Variants in TDRP observed in about 807,000 individuals in gnomAD.
TDRP encodes the protein testis development related protein.
TDRP carries 12 observed loss-of-function variants against 10.5 expected under a neutral mutation model. That is an observed-to-expected ratio of 1.15 (90% CI 0.73 to 1.86). TDRP has a LOEUF of 1.86. TDRP is among the 40% of genes most tolerant of loss of function. The probability of loss-of-function intolerance (pLI) is 0.00; values close to 1 mark genes in which losing one functional copy is unlikely to be tolerated. For synonymous variants in TDRP, 139 were observed against 95.4 expected (o/e 1.46, Z -2.67); for missense variants, 353 against 229.2 (o/e 1.54, Z -3.49).
intron 1 of TDRP, among the ~76,000 whole-genome samples, chr8:534,423 T>C (rs1023202311): frequency 6.6e-6 from 1 of 152,222 alleles, no homozygotes; most frequent in Admixed American, 6.5e-5. Context: ...AGATGCCTGC[T>C]TTAATACCTG....
chr8:505,577 T>C (rs1440832210), intron 1 of TDRP, among the ~76,000 whole-genome samples: 5 of 152,150 alleles, frequency 3.3e-5, no homozygotes, highest in Non-Finnish European at 7.3e-5. Context: ...AATGTCAGCC[T>C]CCATCAACTT....
intron 1 of TDRP, among the ~76,000 whole-genome samples, chr8:525,546 AG>A (rs1802013051): frequency 1.3e-5 from 2 of 152,000 alleles, no homozygotes; most frequent in African/African-American, 4.8e-5. Flanking sequence ...AAGAGAAATC[AG>A]GGGGATGAAG....
intron 1 of TDRP, among the ~76,000 whole-genome samples, chr8:527,290 T>G (rs116651149): frequency 0.021 from 3,201 of 152,186 alleles, 103 homozygotes; most frequent in African/African-American, 0.074. Flanking sequence ...GAAAAGATAT[T>G]TCATGTTCAT....
chr8:494,564 C>G lies in TDRP; in HGVS notation c.142G>C (p.Val48Leu). The G allele has an allele frequency of 1.2e-6, 2 of 1,613,950 alleles. No homozygotes were observed. The highest frequency in any genetic ancestry group is 1.7e-6 in the Non-Finnish European group (2 of 1,179,864). ...QGASFRGWKE[V>L]TSLFNKDDEQ... ...TCATCTTTGTTAAACAGTGAAGTCA[C>G]TTCTTTCCAACCTCGGAAACTTGCT... The change falls in exon 2 of 3, where the codon GTG (valine) becomes CTG (leucine). Residue 48 changes from valine to leucine, a missense_variant. Transcript: ENST00000324079.
At chr8:509,641 C>G (rs1462484420) in intron 1 of TDRP, among the ~76,000 whole-genome samples, 2 of 152,124 alleles carry the variant, frequency 1.3e-5, no homozygotes, top group Non-Finnish European at 2.9e-5. Flanking sequence ...CTCCGGGCCT[C>G]CAGGCCTGTG....
In TDRP at chr8:544,799, T is replaced by G; in HGVS notation, c.-42A>C. On this transcript the variant is annotated 5_prime_UTR_variant, in exon 1 of 3. Coordinates refer to ENST00000324079, the MANE Select transcript of TDRP (RefSeq NM_001384899.1). Reference sequence around the variant, plus strand: ...GCGTCCCTCCGTCCGTGCGTCGGGCTGTGGCTCCGCGTCCCTCCCGGCCGC... The same window carrying G: ...GCGTCCCTCCGTCCGTGCGTCGGGCGGTGGCTCCGCGTCCCTCCCGGCCGC... The G allele has an allele frequency of 8.3e-7, 1 of 1,208,436 alleles. No individual in the cohort carries two copies. The allele number at this position is 1,208,436 out of a possible 1,614,324, so 74.9% of individuals were successfully genotyped here.
chr8:509,727 G>T (rs1338549082), intron 1 of TDRP, among the ~76,000 whole-genome samples: 1 of 152,130 alleles, frequency 6.6e-6, no homozygotes, highest in African/African-American at 2.4e-5. Flanking sequence ...TTAACATTTG[G>T]CTCCTTGCTA....
chr8:502,892 C>G (rs532733307), intron 1 of TDRP, among the ~76,000 whole-genome samples: 5 of 152,018 alleles, frequency 3.3e-5, no homozygotes, highest in African/African-American at 1.2e-4. Context: ...GAATCCAGAG[C>G]CACACATCAG....
intron 1 of TDRP, among the ~76,000 whole-genome samples, chr8:499,235 G>A (rs889158115): frequency 6.6e-6 from 1 of 152,150 alleles, no homozygotes; most frequent in Non-Finnish European, 1.5e-5. Context: ...TTTTTGTTTT[G>A]TTTTGTTTTG....
intron 1 of TDRP, among the ~76,000 whole-genome samples, chr8:506,028 G>A (rs1359987564): frequency 6.6e-6 from 1 of 152,082 alleles, no homozygotes; most frequent in East Asian, 1.9e-4. Flanking sequence ...TGGGGGTCTG[G>A]GTGTCCTCTT....
intron 1 of TDRP, among the ~76,000 whole-genome samples, chr8:516,832 C>A (rs1050183794): frequency 1.3e-5 from 2 of 152,128 alleles, no homozygotes; most frequent in African/African-American, 4.8e-5. Context: ...CAGCTTTATT[C>A]GGAAATGCTA....
At chr8:497,301 T>C (rs905579714) in intron 1 of TDRP, among the ~76,000 whole-genome samples, 2 of 152,302 alleles carry the variant, frequency 1.3e-5, no homozygotes, top group East Asian at 1.9e-4. Flanking sequence ...CAAATGGAGA[T>C]GAGGAACTTA....
At chr8:517,420 A>G (rs911930876) in intron 1 of TDRP, among the ~76,000 whole-genome samples, 1 of 152,150 alleles carries the variant, frequency 6.6e-6, no homozygotes, top group Non-Finnish European at 1.5e-5. Context: ...CTGCTAAGAG[A>G]CATTTACCAT....
At chr8:532,421 C>T (rs923379294) in intron 1 of TDRP, among the ~76,000 whole-genome samples, 3 of 152,202 alleles carry the variant, frequency 2.0e-5, no homozygotes, top group African/African-American at 7.2e-5. Context: ...TTCTTGCTGA[C>T]TACAGAAATG....
At chr8:534,842 G>A (rs527448828) in intron 1 of TDRP, among the ~76,000 whole-genome samples, 1 of 152,108 alleles carries the variant, frequency 6.6e-6, no homozygotes, top group South Asian at 2.1e-4. Context: ...CTACTTTTTG[G>A]GCTATTGTGA....
intron 1 of TDRP, chr8:494,864 CA>C: frequency 3.5e-6 from 1 of 289,340 alleles, no homozygotes; most frequent in Admixed American, 4.8e-5. Context: ...TATTTTGCCT[CA>C]AAAAGCTTAT....
At chr8:494,443 G>T in intron 2 of TDRP, 51 bp downstream of exon 2, 1 of 1,555,234 alleles carries the variant, frequency 6.4e-7, no homozygotes, top group South Asian at 1.1e-5. Context: ...CCTCCTCAGT[G>T]ACTTCCTCCC....
chr8:499,791 T>C (rs540610492), intron 1 of TDRP, among the ~76,000 whole-genome samples: 2 of 152,362 alleles, frequency 1.3e-5, no homozygotes, highest in South Asian at 2.1e-4. Context: ...CTGAGCACTC[T>C]GCTCCTGTAG....
rs1011987718 is a variant in TDRP, at chr8:541,754, C to T, written c.108+2896G>A. Among the ~76,000 whole-genome samples, 3 of 152,180 alleles carry T rather than the reference C, an allele frequency of 2.0e-5. No individual in the cohort carries two copies. The East Asian group carries it at 5.8e-4, about 29-fold the overall frequency. On this transcript the variant is annotated intron_variant, in intron 1 of 2. Transcript: ENST00000324079. ...GACAAAGTCTACATACTGACAGCAC[C>T]AAATGCTGGCAAGGAGGTGGAGCAA...
Sources: allele counts gnomAD v4.1 joint callset (sites outside exome capture counted in the v4.1 genomes callset), GRCh38; gene constraint gnomAD v4.1.1; transcripts MANE v1.5; gene names NCBI Gene and HGNC (gene_info 2026-07-23, HGNC 2026-07-21).